The following RAP1GAP2 variants were observed in gnomAD, a reference collection of about 807,000 sequenced individuals.
RAP1GAP2 encodes the protein rap1 GTPase-activating protein 2.
RAP1GAP2 carries 27 observed loss-of-function variants against 95.0 expected under a neutral mutation model. That is an observed-to-expected ratio of 0.28 (90% confidence interval 0.21 to 0.39). RAP1GAP2 has a LOEUF of 0.39. Ranked by LOEUF, RAP1GAP2 falls within the 10% of genes least tolerant of loss-of-function variation. RAP1GAP2 has a pLI of 1.00. For missense variants in RAP1GAP2, 771 were observed against 970.0 expected (o/e 0.79, Z 2.72); for synonymous variants, 373 against 380.9 (o/e 0.98, Z 0.24).
intron 2 of RAP1GAP2, among the ~76,000 whole-genome samples, chr17:2,849,999 CTTT>C (rs5818878): frequency 7.5e-6 from 1 of 132,536 alleles, no homozygotes; most frequent in African/African-American, 2.8e-5. Flanking sequence ...ACACTGCCTG[CTTT>C]TTTTTTTTTT....
In RAP1GAP2 at chr17:2,904,530, C is replaced by CTG. The variant is rs5818880; in HGVS notation, c.81-716_81-715dup. ...CCGAGGACAGCTTTTTGACCAGGGC[C>CTG]TGTGTGTGTGTGTGTGTGTGTGTGT... On this transcript the variant is annotated intron_variant, in intron 2 of 24. Coordinates refer to ENST00000254695, the MANE Select transcript of RAP1GAP2 (RefSeq NM_015085.5). This position sits in a 1 kb window ranked among gnomAD's most constrained non-coding sequence, Gnocchi z 4.7. Among the ~76,000 whole-genome samples the CTG allele has an allele frequency of 0.054, 6,916 of 129,052 alleles. 293 individuals are homozygous for CTG. Among genetic ancestry groups the CTG allele is most frequent in the East Asian group, 0.13 (577 of 4,510 alleles). The allele number at this position is 129,052 out of a possible 152,430, so 84.7% of individuals were successfully genotyped here.
chr17:2,794,143 GTTCTC>G (rs964847568), upstream of RAP1GAP2, among the ~76,000 whole-genome samples: 4 of 151,152 alleles, frequency 2.6e-5, no homozygotes, highest in Non-Finnish European at 5.9e-5. Flanking sequence ...TTCTCTGTCA[GTTCTC>G]TTCTCTGCCT....
At chr17:2,764,619 G>A (rs959408782) in intron 1 of RAP1GAP2, among the ~76,000 whole-genome samples, 2 of 152,088 alleles carry the variant, frequency 1.3e-5, no homozygotes, top group Non-Finnish European at 2.9e-5. Context: ...TACTCAGGAG[G>A]CTGAGGCAGG....
intron 14 of RAP1GAP2, 94 bp downstream of exon 14, chr17:2,998,470 C>G (rs2046042769): frequency 5.6e-6 from 8 of 1,422,586 alleles, no homozygotes; most frequent in Non-Finnish European, 7.7e-6. Context: ...CCTCAGCAGT[C>G]AGAGATTCTC....
upstream of RAP1GAP2, among the ~76,000 whole-genome samples, chr17:2,775,808 T>C (rs535680064): frequency 2.0e-5 from 3 of 152,144 alleles, no homozygotes; most frequent in African/African-American, 7.2e-5. Context: ...AGAGGACCCT[T>C]CGTTCCTTCT....
At chr17:3,011,894 G>A (rs575880329) in intron 17 of RAP1GAP2, among the ~76,000 whole-genome samples, 11 of 152,212 alleles carry the variant, frequency 7.2e-5, no homozygotes, top group South Asian at 6.2e-4. Context: ...GATTACAGGC[G>A]TGAGGCACTG....
chr17:3,028,193 AG>A (rs1402157549), intron 22 of RAP1GAP2, among the ~76,000 whole-genome samples: 1 of 152,074 alleles, frequency 6.6e-6, no homozygotes, highest in Non-Finnish European at 1.5e-5. Context: ...TGAAGATGAA[AG>A]GAGCTCATGC....
In RAP1GAP2 at chr17:2,820,891, G is replaced by GTTTT. The variant is rs1475267891; in HGVS notation, c.80+20341_80+20342insTTTT. 9.6e-3 allele frequency among the ~76,000 whole-genome samples: 1,097 copies of GTTTT among 113,950 alleles called. 65 individuals carry two copies. The highest frequency in any genetic ancestry group is 0.034 in the African/African-American group (1,024 of 29,780). 74.8% of individuals were successfully genotyped at this position (113,950 alleles called of 152,430 possible). The stretch of plus-strand genomic sequence containing the variant: ...TGCCCGCCACCACGGCCCGGATAAT[G>GTTTT]GTTTTTTTTTTTTTTTTTGTATTTT... On this transcript the variant is annotated intron_variant, in intron 2 of 24. Transcript: ENST00000254695.
At chr17:2,981,385 C>T (rs1250333814) in intron 10 of RAP1GAP2, 137 bp downstream of exon 10, 4 of 784,440 alleles carry the variant, frequency 5.1e-6, no homozygotes, top group Non-Finnish European at 6.1e-6. Flanking sequence ...GTCTCCCTCT[C>T]TCCCTGCCCA....
intron 2 of RAP1GAP2, among the ~76,000 whole-genome samples, chr17:2,824,740 CAAAAAAA>C (rs940171590): frequency 1.1e-4 from 6 of 56,652 alleles, no homozygotes; most frequent in Non-Finnish European, 1.9e-4. Flanking sequence ...AACTCTGTCT[CAAAAAAA>C]AAAAAAAAAA....
At position 3,004,571 on chromosome 17, in the gene RAP1GAP2, C is replaced by G. The variant is rs1301074442; in HGVS notation, c.1201-798C>G. Among the ~76,000 whole-genome samples the G allele has an allele frequency of 6.6e-6, 1 of 152,238 alleles. No individual in the cohort carries two copies. Among genetic ancestry groups the G allele is most frequent in the East Asian group, 1.9e-4 (1 of 5,184 alleles). On this transcript the variant is annotated intron_variant, in intron 14 of 24. Transcript: ENST00000254695. The surrounding 1 kb of genome is among the most constrained non-coding windows in gnomAD (Gnocchi z 4.1). The stretch of plus-strand genomic sequence containing the variant: ...GCAGAGGGAAGGCGGGGTGTGGGGC[C>G]CGTCCCACGCCTGGGCGACCCCCAT...
At chr17:3,013,029 C>T (rs928324844) in intron 17 of RAP1GAP2, among the ~76,000 whole-genome samples, 31 of 152,136 alleles carry the variant, frequency 2.0e-4, no homozygotes, top group Admixed American at 1.2e-3. Flanking sequence ...AGCAGAGGAC[C>T]GGGGAGGAGA....
intron 1 of RAP1GAP2, among the ~76,000 whole-genome samples, chr17:2,756,834 C>T (rs1276864091): frequency 2.0e-5 from 3 of 152,064 alleles, no homozygotes; most frequent in Admixed American, 2.0e-4. Flanking sequence ...ATGAGGAAGC[C>T]GAGGGTCAGA....
intron 2 of RAP1GAP2, among the ~76,000 whole-genome samples, chr17:2,898,449 G>A (rs2041913365): frequency 6.6e-6 from 1 of 152,210 alleles, no homozygotes; most frequent in African/African-American, 2.4e-5. Flanking sequence ...CTGGGCTCAT[G>A]CCCTTTCTCC....
At chr17:2,860,497 C>G (rs2072333127) in intron 2 of RAP1GAP2, among the ~76,000 whole-genome samples, 1 of 151,816 alleles carries the variant, frequency 6.6e-6, no homozygotes, top group South Asian at 2.1e-4. Flanking sequence ...TATCCTCTCT[C>G]CTTATGGTGG....
At chr17:3,025,551 T>G (rs2047082864) in intron 19 of RAP1GAP2, among the ~76,000 whole-genome samples, 1 of 152,226 alleles carries the variant, frequency 6.6e-6, no homozygotes. Flanking sequence ...GGAGCTCGTA[T>G]TCTAGTCTAT....
chr17:3,031,687 T>G (rs2047307886), intron 23 of RAP1GAP2, among the ~76,000 whole-genome samples: 1 of 146,892 alleles, frequency 6.8e-6, no homozygotes, highest in Non-Finnish European at 1.5e-5. Flanking sequence ...CTCGCCAGAC[T>G]ATCGAGAACT....
intron 2 of RAP1GAP2, among the ~76,000 whole-genome samples, chr17:2,840,496 T>C (rs1287151683): frequency 1.3e-5 from 2 of 152,086 alleles, no homozygotes; most frequent in Non-Finnish European, 1.5e-5. Context: ...CGTAGTATAC[T>C]GTTCACATCT....
At chr17:3,019,840 G>T (rs773718514) in intron 18 of RAP1GAP2, among the ~76,000 whole-genome samples, 1 of 152,164 alleles carries the variant, frequency 6.6e-6, no homozygotes, top group Non-Finnish European at 1.5e-5. Context: ...GCCTCTAGAG[G>T]TTGGTTCCAG....
Sources: allele counts gnomAD v4.1 joint callset (sites outside exome capture counted in the v4.1 genomes callset), GRCh38; gene constraint gnomAD v4.1.1; non-coding constraint Gnocchi (gnomAD v3.1); transcripts MANE v1.5; gene names NCBI Gene and HGNC (gene_info 2026-07-23, HGNC 2026-07-21).